The following CPNE4 variants were observed in gnomAD, a reference collection of about 807,000 sequenced individuals.
The protein encoded by CPNE4 is copine-4.
Under a neutral mutation model 67.9 loss-of-function variants are expected in CPNE4, and 25 were observed. That is an observed-to-expected ratio of 0.37 (90% confidence interval 0.27 to 0.51). The LOEUF is 0.51. Among genes scored for constraint, CPNE4 ranks in the 20% least tolerant of loss-of-function variants. CPNE4 has a pLI of 0.93. For synonymous variants in CPNE4, 242 were observed against 244.9 expected, an observed-to-expected ratio of 0.99 and a Z score of 0.11; for missense variants, 464 against 690.8, an observed-to-expected ratio of 0.67 and a Z score of 3.68.
chr3:132,037,565 A>G (rs1482871993), upstream of CPNE4: 4 of 1,535,650 alleles, frequency 2.6e-6, no homozygotes, highest in South Asian at 1.2e-5. Context: ...ACCTCCTCCC[A>G]GCTCTCCTTT....
At position 131,793,625 on chromosome 3, in the gene CPNE4, C is replaced by CT. The variant is rs35416006; in HGVS notation, c.181-70001dup. On this transcript the variant is annotated intron_variant, in intron 2 of 15. Transcript: ENST00000429747. ...AAGATCCAAATATACAAATCTATTT[C>CT]TTTTTTAAAACACACAGAATTTGTA... Among the ~76,000 whole-genome samples, 5 of 152,144 alleles carry CT rather than the reference C, an allele frequency of 3.3e-5. No individual in the cohort carries two copies. In the South Asian group the frequency reaches 6.2e-4, roughly 19 times the overall value.
At chr3:131,895,256 A>C (rs1035505235) in intron 2 of CPNE4, among the ~76,000 whole-genome samples, 2 of 152,032 alleles carry the variant, frequency 1.3e-5, no homozygotes, top group African/African-American at 4.8e-5. Context: ...ATGGGTACAA[A>C]GTTGCAGTTA....
chr3:131,537,151 T>C (rs1935195248), intron 15 of CPNE4, among the ~76,000 whole-genome samples: 1 of 151,926 alleles, frequency 6.6e-6, no homozygotes, highest in Non-Finnish European at 1.5e-5. Context: ...GGTGTATGTA[T>C]TTTTTTAAGT....
chr3:131,601,123 C>A (rs1413666437), intron 7 of CPNE4, among the ~76,000 whole-genome samples: 1 of 152,092 alleles, frequency 6.6e-6, no homozygotes, highest in Non-Finnish European at 1.5e-5. Flanking sequence ...ATTCAGAATT[C>A]AATTCAAATC....
intron 2 of CPNE4, among the ~76,000 whole-genome samples, chr3:131,880,089 T>A (rs2087610577): frequency 6.6e-6 from 1 of 151,854 alleles, no homozygotes; most frequent in Non-Finnish European, 1.5e-5. Context: ...TCATATCTCA[T>A]GACAAAGACG....
chr3:131,865,825 C>T (rs2086921220), intron 2 of CPNE4, among the ~76,000 whole-genome samples: 1 of 152,126 alleles, frequency 6.6e-6, no homozygotes, highest in Admixed American at 6.6e-5. Flanking sequence ...GAGACCAGTA[C>T]CTGTGGATGG....
At chr3:131,744,903 A>G (rs1321201825) in intron 2 of CPNE4, among the ~76,000 whole-genome samples, 1 of 152,210 alleles carries the variant, frequency 6.6e-6, no homozygotes, top group African/African-American at 2.4e-5. Flanking sequence ...ATTTGTCTAC[A>G]GATTTTCTTG....
At chr3:131,999,659 G>C (rs140146627) in intron 1 of CPNE4, among the ~76,000 whole-genome samples, 1 of 152,178 alleles carries the variant, frequency 6.6e-6, no homozygotes, top group Non-Finnish European at 1.5e-5. Flanking sequence ...AGGGTGGGTA[G>C]ATGGAGAGAT....
intron 7 of CPNE4, chr3:131,620,348 T>C: frequency 2.3e-6 from 1 of 436,586 alleles, no homozygotes; most frequent in Non-Finnish European, 3.0e-6. Context: ...ATGTTAAGTG[T>C]TTAAAGGTTT....
intron 11 of CPNE4, among the ~76,000 whole-genome samples, chr3:131,562,405 T>G (rs1051389208): frequency 6.6e-6 from 1 of 152,050 alleles, no homozygotes; most frequent in African/African-American, 2.4e-5. Context: ...TGTAATTTAT[T>G]ATGAGACTGC....
chr3:131,986,357 C>T (rs2073041100), intron 1 of CPNE4, among the ~76,000 whole-genome samples: 1 of 152,302 alleles, frequency 6.6e-6, no homozygotes, highest in African/African-American at 2.4e-5. Context: ...GTTGGAAGCA[C>T]ACAATCTGCC....
intron 7 of CPNE4, among the ~76,000 whole-genome samples, chr3:131,602,845 CTGA>C (rs1350219844): frequency 6.6e-6 from 1 of 152,102 alleles, no homozygotes; most frequent in Non-Finnish European, 1.5e-5. Context: ...TATTTGGGGA[CTGA>C]TGGGTGGTTG....
intron 2 of CPNE4, among the ~76,000 whole-genome samples, chr3:131,902,873 A>T (rs2088605498): frequency 6.6e-6 from 1 of 152,130 alleles, no homozygotes; most frequent in Non-Finnish European, 1.5e-5. Flanking sequence ...AGAAGGGAAA[A>T]AAAAGATACT....
rs145350854 is a variant in CPNE4 at position 131,973,527 on chromosome 3, A to T, written c.-2+61040T>A. 2.2e-4 allele frequency among the ~76,000 whole-genome samples: 34 copies of T among 152,344 alleles called. No homozygotes were observed. In the East Asian group the frequency reaches 5.8e-3, roughly 26 times the overall value. On this transcript the variant is annotated intron_variant, in intron 1 of 15. Transcript: ENST00000429747. ...AGCACAGCTTTTAATGATAGATACT[A>T]TTATCATCTCCATTGGCAAACAAGG...
intron 3 of CPNE4, among the ~76,000 whole-genome samples, chr3:131,714,148 C>T (rs1165940284): frequency 6.6e-6 from 1 of 152,074 alleles, no homozygotes; most frequent in Non-Finnish European, 1.5e-5. Context: ...AAATGCTAAC[C>T]TGTGGAATCT....
chr3:131,769,086 T>G (rs2083098612), intron 2 of CPNE4, among the ~76,000 whole-genome samples: 1 of 152,160 alleles, frequency 6.6e-6, no homozygotes, highest in Non-Finnish European at 1.5e-5. Context: ...AAAACCTATA[T>G]TTTATTGCCC....
intron 2 of CPNE4, among the ~76,000 whole-genome samples, chr3:131,802,518 G>C (rs1394442666): frequency 6.6e-6 from 1 of 152,138 alleles, no homozygotes; most frequent in East Asian, 1.9e-4. Flanking sequence ...TGAAGTAGGG[G>C]GAGGCAGTCA....
chr3:131,796,316 C>A (rs1258510445), intron 2 of CPNE4, among the ~76,000 whole-genome samples: 1 of 152,124 alleles, frequency 6.6e-6, no homozygotes, highest in Non-Finnish European at 1.5e-5. Flanking sequence ...TGGTCACTAC[C>A]GACCTCCCTT....
chr3:131,717,039 A>G (rs1156534645), intron 3 of CPNE4, among the ~76,000 whole-genome samples: 1 of 152,246 alleles, frequency 6.6e-6, no homozygotes, highest in Non-Finnish European at 1.5e-5. Flanking sequence ...TTAAAGAAGG[A>G]AAATGTTGAT....
Sources: gnomAD v4.1 joint callset for allele counts (sites outside exome capture counted in the v4.1 genomes callset) on GRCh38, gnomAD v4.1.1 for gene constraint, MANE v1.5 for transcripts, NCBI Gene and HGNC (gene_info 2026-07-23, HGNC 2026-07-21) for gene names.